The following LRBA variants were observed in gnomAD, a reference collection of about 807,000 sequenced individuals.
LRBA encodes the protein lipopolysaccharide-responsive and beige-like anchor protein.
LRBA carries 176 observed loss-of-function variants against 330.0 expected under a neutral mutation model. That is an observed-to-expected ratio of 0.53 (90% CI 0.47 to 0.60). LRBA has a LOEUF of 0.60. Ranked by LOEUF, LRBA falls within the 20% of genes least tolerant of loss-of-function variation. The pLI, the probability that LRBA is intolerant of heterozygous loss-of-function variation, is 0.00. For synonymous variants in LRBA, 1,230 were observed against 1,193.0 expected, an observed-to-expected ratio of 1.03 and a Z score of -0.64; for missense variants, 3,259 against 3,444.8, an observed-to-expected ratio of 0.95 and a Z score of 1.35.
chr4:150,727,704 T>A (rs1729890003), intron 36 of LRBA, among the ~76,000 whole-genome samples: 1 of 151,902 alleles, frequency 6.6e-6, no homozygotes, highest in African/African-American at 2.4e-5. Context: ...GCATACAGGA[T>A]ACAGCAAAAG....
intron 44 of LRBA, among the ~76,000 whole-genome samples, chr4:150,451,733 A>T (rs1009974128): frequency 1.3e-5 from 2 of 152,152 alleles, no homozygotes; most frequent in African/African-American, 4.8e-5. Context: ...CAGAAAAAGC[A>T]ATAGAAAAAT....
intron 47 of LRBA, 58 bp from the exon 48 acceptor site, chr4:150,350,217 G>A: frequency 8.0e-7 from 1 of 1,250,042 alleles, no homozygotes; most frequent in South Asian, 1.5e-5. Context: ...AATATAGAGA[G>A]ACATTTAGAG....
intron 50 of LRBA, among the ~76,000 whole-genome samples, chr4:150,319,540 TG>T (rs1410093936): frequency 1.3e-5 from 2 of 152,208 alleles, no homozygotes; most frequent in Admixed American, 6.5e-5. Flanking sequence ...AATATAAGTA[TG>T]TTATTTTCAT....
At chr4:150,495,407 T>A (rs1273863272) in intron 40 of LRBA, among the ~76,000 whole-genome samples, 1 of 152,172 alleles carries the variant, frequency 6.6e-6, no homozygotes, top group African/African-American at 2.4e-5. Flanking sequence ...GAGAGAAAAT[T>A]ATTTAAAATT....
At chr4:150,927,970 G>T (rs540167782) in intron 4 of LRBA, among the ~76,000 whole-genome samples, 9 of 152,256 alleles carry the variant, frequency 5.9e-5, no homozygotes, top group African/African-American at 1.9e-4. Context: ...AACAAAAATG[G>T]AGAAAATATT....
chr4:150,649,181 T>C (rs1158716009), intron 37 of LRBA, among the ~76,000 whole-genome samples: 1 of 152,170 alleles, frequency 6.6e-6, no homozygotes, highest in Non-Finnish European at 1.5e-5. Context: ...TCTCCTAACA[T>C]TTACCCATTT....
Position 150,490,969 on chromosome 4 carries a change from G to A in LRBA, c.6397C>T (p.Arg2133Cys), listed in dbSNP as rs933140899. ...GCTGTATTTTGCAAAAGATAACGAC[G>A]AGAAAAGATTGATCGTATCTCTGTG... ...LFTEIRSIFS[R>C]RYLLQNTALE... Residue 2133 changes from arginine (R) to cysteine (C), a missense_variant, in exon 41 of 57, where the codon CGT becomes TGT. Coordinates refer to ENST00000651943, the MANE Select transcript of LRBA (RefSeq NM_001364905.1). 4.3e-6 allele frequency: 7 copies of A among 1,609,460 alleles called. No individual in the cohort carries two copies. The highest frequency in any genetic ancestry group is 4.2e-6 in the Non-Finnish European group (5 of 1,177,070).
chr4:150,417,301 CTA>C (rs961601412), intron 46 of LRBA, among the ~76,000 whole-genome samples: 3 of 151,998 alleles, frequency 2.0e-5, no homozygotes, highest in African/African-American at 7.3e-5. Flanking sequence ...CAATAAATCA[CTA>C]TATAATTTTC....
At chr4:150,493,057 T>C (rs1422328417) in intron 40 of LRBA, among the ~76,000 whole-genome samples, 1 of 152,180 alleles carries the variant, frequency 6.6e-6, no homozygotes, top group Non-Finnish European at 1.5e-5. Context: ...CACAGCTCAC[T>C]GCAGCCTCAA....
intron 34 of LRBA, among the ~76,000 whole-genome samples, chr4:150,781,427 C>G (rs1225253838): frequency 6.6e-6 from 1 of 152,180 alleles, no homozygotes; most frequent in Non-Finnish European, 1.5e-5. Flanking sequence ...CGCTGCTGAT[C>G]TGACAGGAGG....
intron 14 of LRBA, 137 bp downstream of exon 14, chr4:150,899,912 G>C: frequency 3.6e-6 from 2 of 556,342 alleles, no homozygotes; most frequent in South Asian, 6.5e-5. Flanking sequence ...CATTATCAAT[G>C]AGATTAAAAT....
At chr4:150,928,366 G>A (rs550933766) in intron 4 of LRBA, 150 bp downstream of exon 4, 19 of 560,132 alleles carry the variant, frequency 3.4e-5, no homozygotes, top group East Asian at 8.6e-5. Context: ...AGTATGGCAC[G>A]AGTAGCCACA....
chr4:150,916,295 A>G lies in LRBA; in HGVS notation c.894+106T>C. 3 of 1,123,798 alleles carry G rather than the reference A, an allele frequency of 2.7e-6. No homozygotes were observed. The African/African-American group carries it at 4.7e-5, about 18-fold the overall frequency. The allele number at this position is 1,123,798 out of a possible 1,614,324, so 69.6% of individuals were successfully genotyped here. A position where few individuals can be genotyped will look rare whatever the true frequency, so the allele number is the denominator to read the frequency against. ...CGCTTCATCTTTTTAAACAGTAAAA[A>G]CGAAGTTGTGCTTTAGCATGTTATT... On this transcript the variant is annotated intron_variant, in intron 7 of 56. Coordinates refer to ENST00000651943, the MANE Select transcript of LRBA (RefSeq NM_001364905.1).
At chr4:150,993,096 C>T (rs1022251089) in intron 2 of LRBA, among the ~76,000 whole-genome samples, 2 of 151,410 alleles carry the variant, frequency 1.3e-5, no homozygotes, top group Admixed American at 1.3e-4. Context: ...CTAGCCTGGG[C>T]AACATAGCAA....
Position 150,302,701 on chromosome 4 carries a change from G to C in LRBA, c.7941C>G (p.Leu2647=), listed in dbSNP as rs767853624. ...AAAGAGTTGCATCACGTGACCCTGAGAGAATGTAGCAATTTCCCCCAATAT... is the reference window on the plus strand; with the variant it reads ...AAAGAGTTGCATCACGTGACCCTGACAGAATGTAGCAATTTCCCCCAATAT... ...ESYIGGNCYI[L]SGSRDATLLL... The change falls in exon 53 of 57, where the codon CTC becomes CTG. Residue 2647 remains leucine (L), a synonymous_variant. Transcript: ENST00000651943. The C allele has an allele frequency of 1.9e-6, 3 of 1,613,078 alleles. No individual in the cohort carries two copies. The highest frequency in any genetic ancestry group is 1.7e-6 in the Non-Finnish European group (2 of 1,179,364).
rs1397638265 is a variant in LRBA at position 150,315,596 on chromosome 4, G to C, written c.7658C>G (p.Pro2553Arg). The change falls in exon 51 of 57, where the codon CCA becomes CGA. Residue 2553 changes from proline (P) to arginine (R), a missense_variant. Coordinates refer to ENST00000651943, the MANE Select transcript of LRBA (RefSeq NM_001364905.1). ...PAHQGAVQDQ[P>R]YQLPVEIDPL... ...ATCGATTTCCACTGGCAGCTGGTATGGCTGGTCTTGTACAGCACCTTGATG... is the reference window on the plus strand; with the variant it reads ...ATCGATTTCCACTGGCAGCTGGTATCGCTGGTCTTGTACAGCACCTTGATG... 1 of 1,611,598 alleles carries C rather than the reference G, an allele frequency of 6.2e-7. No homozygotes were observed. Among genetic ancestry groups the C allele is most frequent in the Non-Finnish European group, 8.5e-7 (1 of 1,178,928 alleles).
At chr4:150,798,655 C>T (rs935704821) in intron 33 of LRBA, among the ~76,000 whole-genome samples, 9 of 152,022 alleles carry the variant, frequency 5.9e-5, no homozygotes, top group African/African-American at 9.7e-5. Flanking sequence ...AAATGCAAGC[C>T]GTTGTCTGTT....
chr4:150,590,398 T>C lies in LRBA; in HGVS notation c.6193+315A>G, dbSNP rs995295259. Among the ~76,000 whole-genome samples, 6 of 151,292 alleles carry C rather than the reference T, an allele frequency of 4.0e-5. No homozygotes were observed. The East Asian group carries it at 7.7e-4, about 20-fold the overall frequency. On this transcript the variant is annotated intron_variant, in intron 39 of 56. Transcript: ENST00000651943. ...AAAAAAACTGGCAGAATTTTACTTA[T>C]AGTCTTACTTTACAGAGATTTGGTA...
chr4:150,313,679 C>G (rs191061509), intron 51 of LRBA, among the ~76,000 whole-genome samples: 2 of 151,696 alleles, frequency 1.3e-5, no homozygotes. Context: ...GAGTTAAGAA[C>G]AGCTTGAGTT....
Sources: allele counts gnomAD v4.1 joint callset (sites outside exome capture counted in the v4.1 genomes callset), GRCh38; gene constraint gnomAD v4.1.1; transcripts MANE v1.5; gene names NCBI Gene and HGNC (gene_info 2026-07-23, HGNC 2026-07-21).